Variants in CFAP54 observed in about 807,000 individuals in gnomAD.
The protein encoded by CFAP54 is cilia- and flagella-associated protein 54.
CFAP54 carries 290 observed loss-of-function variants against 370.4 expected under a neutral mutation model. That is an observed-to-expected ratio of 0.78 (90% CI 0.71 to 0.86). The LOEUF (loss-of-function observed/expected upper bound fraction) is 0.86. Ranked by LOEUF, CFAP54 falls within the 40% of genes least tolerant of loss-of-function variation. CFAP54 has a pLI of 0.00. For missense variants in CFAP54, 3,399 were observed against 3,528.7 expected, an observed-to-expected ratio of 0.96 and a Z score of 0.93; for synonymous variants, 1,206 against 1,236.5, an observed-to-expected ratio of 0.98 and a Z score of 0.52.
At chr12:96,648,078 A>G (rs965538338) in intron 34 of CFAP54, 61 bp downstream of exon 34, 5 of 1,289,340 alleles carry the variant, frequency 3.9e-6, no homozygotes, top group African/African-American at 1.5e-5. Flanking sequence ...ACTAAACAAC[A>G]CAGCACACAT....
intron 6 of CFAP54, among the ~76,000 whole-genome samples, chr12:96,520,694 C>A (rs1182922028): frequency 1.3e-5 from 2 of 152,192 alleles, no homozygotes; most frequent in African/African-American, 2.4e-5. Context: ...TGGGCCAACA[C>A]GTTCCTGCAC....
intron 66 of CFAP54, among the ~76,000 whole-genome samples, chr12:96,836,651 T>C (rs1445957244): frequency 4.6e-5 from 7 of 152,344 alleles, no homozygotes; most frequent in African/African-American, 1.4e-4. Flanking sequence ...AAGCTCCTGT[T>C]GAACATAAAT....
intron 30 of CFAP54, 81 bp from the exon 31 acceptor site, chr12:96,630,012 A>G: frequency 3.5e-6 from 2 of 577,056 alleles, no homozygotes; most frequent in Non-Finnish European, 5.9e-6. Flanking sequence ...ACTTTCAGTG[A>G]AAACTTTAAA....
chr12:96,850,948 C>T (rs929104468), intron 66 of CFAP54, among the ~76,000 whole-genome samples: 5 of 152,218 alleles, frequency 3.3e-5, no homozygotes, highest in East Asian at 3.9e-4. Context: ...GTGGTGATTA[C>T]AATTTGAGAT....
At chr12:96,669,547 C>T (rs1957120650) in intron 39 of CFAP54, among the ~76,000 whole-genome samples, 1 of 152,004 alleles carries the variant, frequency 6.6e-6, no homozygotes, top group East Asian at 1.9e-4. Flanking sequence ...AGGATGTCCA[C>T]AGGACTGTGA....
intron 17 of CFAP54, among the ~76,000 whole-genome samples, chr12:96,558,792 G>C (rs1258470951): frequency 6.6e-6 from 1 of 152,008 alleles, no homozygotes; most frequent in Admixed American, 6.6e-5. Context: ...ATACCATTGG[G>C]GAAAATCTCC....
At chr12:96,770,107 T>C (rs1958445917) in intron 60 of CFAP54, among the ~76,000 whole-genome samples, 1 of 152,134 alleles carries the variant, frequency 6.6e-6, no homozygotes, top group Non-Finnish European at 1.5e-5. Context: ...ACTGGATTGG[T>C]ATATTACTAC....
intron 4 of CFAP54, among the ~76,000 whole-genome samples, chr12:96,509,240 G>A (rs568361369): frequency 6.6e-6 from 1 of 152,300 alleles, no homozygotes; most frequent in East Asian, 1.9e-4. Context: ...TGAGATGACA[G>A]AGGAACAAAG....
intron 65 of CFAP54, among the ~76,000 whole-genome samples, chr12:96,825,429 T>G (rs1181507211): frequency 8.6e-6 from 1 of 116,574 alleles, no homozygotes; most frequent in Non-Finnish European, 1.6e-5. Context: ...CATGTTATAT[T>G]ATATATAATA....
At chr12:96,859,359 G>T (rs917868524) in intron 66 of CFAP54, among the ~76,000 whole-genome samples, 2 of 152,014 alleles carry the variant, frequency 1.3e-5, no homozygotes, top group African/African-American at 4.8e-5. Flanking sequence ...GTCTGAATTT[G>T]AAACAAGCAG....
intron 26 of CFAP54, among the ~76,000 whole-genome samples, chr12:96,608,337 A>T (rs1398964579): frequency 1.3e-5 from 2 of 149,844 alleles, no homozygotes; most frequent in African/African-American, 4.9e-5. Flanking sequence ...ACACACACAT[A>T]CGCACACACA....
At chr12:96,683,958 AT>A (rs1056371478) in intron 40 of CFAP54, among the ~76,000 whole-genome samples, 20 of 152,220 alleles carry the variant, frequency 1.3e-4, no homozygotes, top group Admixed American at 7.2e-4. Flanking sequence ...CACTTGGGTA[AT>A]TTTTGTATTT....
At chr12:96,641,960 G>A (rs1455514634) in intron 32 of CFAP54, among the ~76,000 whole-genome samples, 1 of 151,678 alleles carries the variant, frequency 6.6e-6, no homozygotes, top group African/African-American at 2.4e-5. Flanking sequence ...GATAGCATTA[G>A]GAGATATACC....
At chr12:96,528,230 G>GT (rs149873147) in intron 9 of CFAP54, among the ~76,000 whole-genome samples, 13,968 of 150,298 alleles carry the variant, frequency 0.093, 784 homozygotes, top group Middle Eastern at 0.16. Context: ...TTTGCTAAGT[G>GT]TTTTTTTTTG....
chr12:96,715,313 G>A (rs1277911753), intron 48 of CFAP54, among the ~76,000 whole-genome samples: 1 of 152,130 alleles, frequency 6.6e-6, no homozygotes. Context: ...AAAATTCAGG[G>A]GTGCCGATGT....
At chr12:96,799,108 T>C (rs943133040) in intron 63 of CFAP54, among the ~76,000 whole-genome samples, 5 of 152,180 alleles carry the variant, frequency 3.3e-5, no homozygotes, top group African/African-American at 9.6e-5. Context: ...AATTGGAGGA[T>C]AGAAGGAAGG....
At chr12:96,847,605 A>G (rs1271538311) in intron 66 of CFAP54, among the ~76,000 whole-genome samples, 6 of 152,218 alleles carry the variant, frequency 3.9e-5, no homozygotes. Flanking sequence ...ATAACTTGAA[A>G]TTGATTTTTA....
At chr12:96,703,732 A>AT (rs930840709) in intron 46 of CFAP54, among the ~76,000 whole-genome samples, 5 of 152,170 alleles carry the variant, frequency 3.3e-5, no homozygotes, top group Non-Finnish European at 4.4e-5. Flanking sequence ...ACTGGTAACG[A>AT]TTTTTTTAAG....
At chr12:96,854,728 C>T (rs529322735) in intron 66 of CFAP54, among the ~76,000 whole-genome samples, 1 of 152,054 alleles carries the variant, frequency 6.6e-6, no homozygotes, top group South Asian at 2.1e-4. Context: ...TGCCAGGTAC[C>T]ATTCTATGTT....
Sources: gnomAD v4.1 joint callset for allele counts (sites outside exome capture counted in the v4.1 genomes callset) on GRCh38, gnomAD v4.1.1 for gene constraint, MANE v1.5 for transcripts, NCBI Gene and HGNC (gene_info 2026-07-23, HGNC 2026-07-21) for gene names.